The following DENND4C variants were observed in gnomAD, a reference collection of about 807,000 sequenced individuals.
DENND4C encodes the protein DENN domain-containing protein 4C.
In DENND4C, 108 loss-of-function variants were observed where a neutral mutation model predicts 203.0. The observed-to-expected ratio is 0.53, with a 90% CI of 0.46 to 0.62. DENND4C has a LOEUF of 0.62. DENND4C is among the 20% of genes least tolerant of loss of function. DENND4C has a pLI of 0.00. For synonymous variants in DENND4C, 871 were observed against 792.4 expected, an observed-to-expected ratio of 1.10 and a Z score of -1.67; for missense variants, 2,481 against 2,301.2, an observed-to-expected ratio of 1.08 and a Z score of -1.60.
chr9:19,283,975 A>G lies in DENND4C; in HGVS notation c.306-2794A>G, dbSNP rs72698395. 9.0e-3 allele frequency among the ~76,000 whole-genome samples: 1,376 copies of G among 152,230 alleles called. 6 individuals carry two copies. Among genetic ancestry groups the G allele is most frequent in the Non-Finnish European group, 0.014 (983 of 68,010 alleles). On this transcript the variant is annotated intron_variant, in intron 2 of 32. Coordinates refer to ENST00000434457, the MANE Select transcript of DENND4C (RefSeq NM_001330640.2). ...CCTTTGTCAGATTCATTGGCTTTCA[A>G]CTGATTTGTTTCTCCAGTTCTTTTG...
At position 19,266,015 on chromosome 9, in the gene DENND4C, C is replaced by G. The variant is rs976219764; in HGVS notation, c.-17-10143C>G. Among the ~76,000 whole-genome samples, 22 of 152,294 alleles carry G rather than the reference C, an allele frequency of 1.4e-4. 2 individuals carry two copies. The highest frequency in any genetic ancestry group is 4.6e-4 in the Admixed American group (7 of 15,294). Reference sequence around the variant, plus strand: ...CAAATGGTATTTCTAGTTCTAGATCCTTGAGGAATCGCCACACTGTCTTCC... The same window carrying G: ...CAAATGGTATTTCTAGTTCTAGATCGTTGAGGAATCGCCACACTGTCTTCC... On this transcript the variant is annotated intron_variant, in intron 1 of 32. Transcript: ENST00000434457.
At chr9:19,355,748 G>A (rs1423591955) in intron 26 of DENND4C, among the ~76,000 whole-genome samples, 1 of 151,962 alleles carries the variant, frequency 6.6e-6, no homozygotes, top group East Asian at 1.9e-4. Flanking sequence ...TCTTTCCTGT[G>A]AATTCTTAGA....
chr9:19,311,000 GT>G (rs1459890718), intron 10 of DENND4C, among the ~76,000 whole-genome samples: 2 of 152,112 alleles, frequency 1.3e-5, no homozygotes, highest in Non-Finnish European at 2.9e-5. Flanking sequence ...TGGCTTTTTA[GT>G]TGCGGACCAT....
rs760043383 is a variant in DENND4C, at chr9:19,342,691, C to T, written c.3063C>T (p.His1021=). Residue 1021 remains histidine, a synonymous_variant, in exon 22 of 33, where the codon CAC becomes CAT. Coordinates refer to ENST00000434457, the MANE Select transcript of DENND4C (RefSeq NM_001330640.2). ...AKHSQPSPEP[H]SPTEPPAWGS... Reference sequence around the variant, plus strand: ...ATTCACAACCTAGTCCAGAGCCTCACAGTCCTACTGAACCTCCTGCATGGG... The same window carrying T: ...ATTCACAACCTAGTCCAGAGCCTCATAGTCCTACTGAACCTCCTGCATGGG... The T allele has an allele frequency of 8.1e-6, 13 of 1,613,568 alleles. No individual in the cohort carries two copies. Among genetic ancestry groups the T allele is most frequent in the Non-Finnish European group, 1.0e-5 (12 of 1,179,752 alleles).
In DENND4C at chr9:19,268,138, C is replaced by T. The variant is rs184823545; in HGVS notation, c.-17-8020C>T. On this transcript the variant is annotated intron_variant, in intron 1 of 32. Transcript: ENST00000434457. Reference sequence around the variant, plus strand: ...TTTCCCGTACAGAGTCTTATTCTGTCGCCCATGCTGGAGTGCAGTGGCATA... The same window carrying T: ...TTTCCCGTACAGAGTCTTATTCTGTTGCCCATGCTGGAGTGCAGTGGCATA... Among the ~76,000 whole-genome samples, 327 of 151,106 alleles carry T rather than the reference C, an allele frequency of 2.2e-3. 5 individuals are homozygous for T. The highest frequency in any genetic ancestry group is 0.019 in the Admixed American group (291 of 15,152).
At position 19,366,039 on chromosome 9, in the gene DENND4C, G is replaced by T. The variant is rs1017112492; in HGVS notation, c.5525-3798G>T. 5.9e-5 allele frequency among the ~76,000 whole-genome samples: 9 copies of T among 152,264 alleles called. No homozygotes were observed. The East Asian group carries it at 1.7e-3, about 29-fold the overall frequency. Reference sequence around the variant, plus strand: ...AATGCAGTCCCTATCAGAATTTCAGGTAGCTTCTTTACGTAAATTGACAAG... The same window carrying T: ...AATGCAGTCCCTATCAGAATTTCAGTTAGCTTCTTTACGTAAATTGACAAG... On this transcript the variant is annotated intron_variant, in intron 30 of 32. Coordinates refer to ENST00000434457, the MANE Select transcript of DENND4C (RefSeq NM_001330640.2).
rs1820586535 is a variant in DENND4C at position 19,336,834 on chromosome 9, T to G, written c.2881+2T>G. The G allele has an allele frequency of 6.5e-7, 1 of 1,546,066 alleles. No homozygotes were observed. On this transcript the variant is annotated splice_donor_variant, in intron 20 of 32. Coordinates refer to ENST00000434457, the MANE Select transcript of DENND4C (RefSeq NM_001330640.2). LOFTEE classifies it high-confidence loss of function. ...CCATTGATAATCACTCTAGCACAGGTACTAAAATCCAGATTTTACTAACCC... is the reference window on the plus strand; with the variant it reads ...CCATTGATAATCACTCTAGCACAGGGACTAAAATCCAGATTTTACTAACCC...
intron 1 of DENND4C, among the ~76,000 whole-genome samples, chr9:19,269,308 C>G (rs959620572): frequency 6.6e-6 from 1 of 152,036 alleles, no homozygotes; most frequent in Non-Finnish European, 1.5e-5. Context: ...TTACAGGTGC[C>G]CGCTACCATG....
intron 3 of DENND4C, 33 bp downstream of exon 3, chr9:19,287,054 T>C (rs1197312583): frequency 8.1e-7 from 1 of 1,231,664 alleles, no homozygotes; most frequent in Non-Finnish European, 1.0e-6. Context: ...CAAAGTTTCA[T>C]ATGAAACCAA....
At chr9:19,283,590 G>A (rs887600981) in intron 2 of DENND4C, among the ~76,000 whole-genome samples, 1 of 148,998 alleles carries the variant, frequency 6.7e-6, no homozygotes, top group African/African-American at 2.5e-5. Context: ...TTATATATCA[G>A]ATGCATTTCT....
intron 9 of DENND4C, among the ~76,000 whole-genome samples, chr9:19,300,860 C>A (rs1838416416): frequency 6.6e-6 from 1 of 152,170 alleles, no homozygotes; most frequent in African/African-American, 2.4e-5. Flanking sequence ...CTGCTTAAAA[C>A]CCTTTGGCTT....
intron 1 of DENND4C, among the ~76,000 whole-genome samples, chr9:19,236,242 C>G (rs1821943128): frequency 6.6e-6 from 1 of 152,048 alleles, no homozygotes; most frequent in Non-Finnish European, 1.5e-5. Flanking sequence ...TTAAACAGCC[C>G]TATAAATAAG....
At chr9:19,239,288 C>A (rs915952634) in intron 1 of DENND4C, among the ~76,000 whole-genome samples, 9 of 151,946 alleles carry the variant, frequency 5.9e-5, no homozygotes, top group African/African-American at 1.9e-4. Flanking sequence ...AAATTGATTT[C>A]TTCTTTTCAT....
chr9:19,280,553 T>TC (rs1463683995), intron 2 of DENND4C, among the ~76,000 whole-genome samples: 1 of 152,086 alleles, frequency 6.6e-6, no homozygotes, highest in African/African-American at 2.4e-5. Flanking sequence ...TGTTTTTTTT[T>TC]CTCTATGGTT....
chr9:19,335,439 T>A (rs10964098), intron 18 of DENND4C, among the ~76,000 whole-genome samples: 1 of 151,758 alleles, frequency 6.6e-6, no homozygotes, highest in Admixed American at 6.6e-5. Flanking sequence ...TTCAATAGAT[T>A]TCTTGAATTT....
intron 30 of DENND4C, among the ~76,000 whole-genome samples, chr9:19,365,721 G>GCCGAGATCCCGCCACTGCAC (rs1404466246): frequency 8.9e-4 from 133 of 149,754 alleles, no homozygotes; most frequent in East Asian, 2.0e-3. Context: ...AACTGCATAA[G>GCCGAGATCCCGCCACTGCAC]TTCAGCAAGG....
At chr9:19,352,296 A>G in intron 25 of DENND4C, 114 bp downstream of exon 25, 1 of 1,097,182 alleles carries the variant, frequency 9.1e-7, no homozygotes, top group Admixed American at 2.7e-5. Context: ...AAAATAAGTC[A>G]TTTTGTTGAA....
At chr9:19,269,102 G>T (rs1260362306) in intron 1 of DENND4C, among the ~76,000 whole-genome samples, 1 of 151,992 alleles carries the variant, frequency 6.6e-6, no homozygotes, top group Non-Finnish European at 1.5e-5. Flanking sequence ...GATTTTGTAG[G>T]TGTGCTTCAT....
intron 5 of DENND4C, among the ~76,000 whole-genome samples, chr9:19,294,984 A>G (rs1437649008): frequency 6.6e-6 from 1 of 152,228 alleles, no homozygotes; most frequent in East Asian, 1.9e-4. Flanking sequence ...TACTGGGTGC[A>G]CTGCATTGTG....
Sources: allele counts gnomAD v4.1 joint callset (sites outside exome capture counted in the v4.1 genomes callset), GRCh38; gene constraint gnomAD v4.1.1; transcripts MANE v1.5; gene names NCBI Gene and HGNC (gene_info 2026-07-23, HGNC 2026-07-21).